SPECC1L: variants seen among roughly 807,000 people sequenced by gnomAD.
SPECC1L encodes the protein cytospin-A.
In SPECC1L, 40 loss-of-function variants were observed where a neutral mutation model predicts 116.8. That is an observed-to-expected ratio of 0.34 (90% CI 0.27 to 0.45). The LOEUF (loss-of-function observed/expected upper bound fraction) is 0.45, where lower values mean the gene tolerates loss of function less well. Ranked by LOEUF, SPECC1L falls within the 20% of genes least tolerant of loss-of-function variation. The pLI, the probability that SPECC1L is intolerant of heterozygous loss-of-function variation, is 1.00. For synonymous variants in SPECC1L, 504 were observed against 500.6 expected (o/e 1.01, Z -0.09); for missense variants, 1,110 against 1,373.6 (o/e 0.81, Z 3.03).
chr22:24,332,550 A>G (rs1179237298), intron 8 of SPECC1L, among the ~76,000 whole-genome samples: 1 of 152,176 alleles, frequency 6.6e-6, no homozygotes, highest in African/African-American at 2.4e-5. Context: ...GCCTATTAAA[A>G]TCTTCCCTTT....
intron 4 of SPECC1L, among the ~76,000 whole-genome samples, chr22:24,318,465 G>A (rs143758583): frequency 0.025 from 3,769 of 152,310 alleles, 145 homozygotes; most frequent in South Asian, 0.12. Flanking sequence ...AGCCGAGATG[G>A]CAGCAGTACA....
Position 24,321,417 on chromosome 22 carries a change from A to C in SPECC1L, c.437A>C (p.Asn146Thr). 6.2e-7 allele frequency: 1 copy of C among 1,614,264 alleles called. No homozygotes were observed. Among genetic ancestry groups the C allele is most frequent in the Non-Finnish European group, 8.5e-7 (1 of 1,180,038 alleles). ...CTACCTTCTGCAGGTCAGGGAGCTA[A>C]TGACATGGCATTGGCCAAACGTTCC... ...KKLPSAGQGA[N>T]DMALAKRSRS... Residue 146 changes from asparagine (N) to threonine (T), a missense_variant, in exon 5 of 17, where the codon AAT (asparagine) becomes ACT (threonine). Around this residue, in one of 4 missense-constraint regions of SPECC1L, gnomAD observed 437 missense variants for 482.6 expected, o/e 0.91. Transcript: ENST00000314328.
At chr22:24,343,011 G>A (rs533939497) in intron 10 of SPECC1L, among the ~76,000 whole-genome samples, 1 of 152,118 alleles carries the variant, frequency 6.6e-6, no homozygotes, top group South Asian at 2.1e-4. Context: ...TGGACAACAT[G>A]GCGAAACCCT....
intron 10 of SPECC1L, among the ~76,000 whole-genome samples, chr22:24,342,094 T>C (rs182444872): frequency 8.7e-4 from 132 of 152,376 alleles, no homozygotes; most frequent in African/African-American, 3.1e-3. Flanking sequence ...TCATGCAGCA[T>C]AGGTAACTAA....
chr22:24,321,336 C>T lies in SPECC1L; in HGVS notation c.356C>T (p.Ser119Phe), dbSNP rs772837068. Reference sequence around the variant, plus strand: ...AGCACTTCTACAGGTAATAAAGAATCCAGTTCTACTAGAGAAAGATTACGT... The same window carrying T: ...AGCACTTCTACAGGTAATAAAGAATTCAGTTCTACTAGAGAAAGATTACGT... The part of the protein sequence containing the change: ...KRSTSTGNKE[S>F]SSTRERLRER... Residue 119 changes from serine to phenylalanine, a missense_variant, in exon 5 of 17, where the codon TCC (serine) becomes TTC (phenylalanine). Coordinates refer to ENST00000314328, the MANE Select transcript of SPECC1L (RefSeq NM_015330.6). 6.2e-7 allele frequency: 1 copy of T among 1,614,198 alleles called. No homozygotes were observed. Among genetic ancestry groups the T allele is most frequent in the Non-Finnish European group, 8.5e-7 (1 of 1,180,034 alleles).
At chr22:24,388,674 A>G (rs894064974) in intron 14 of SPECC1L, among the ~76,000 whole-genome samples, 2 of 152,148 alleles carry the variant, frequency 1.3e-5, no homozygotes, top group African/African-American at 2.4e-5. Context: ...GACTTCCACA[A>G]TGGTTGAACT....
intron 14 of SPECC1L, among the ~76,000 whole-genome samples, chr22:24,386,900 G>T (rs2042170584): frequency 6.6e-6 from 1 of 152,114 alleles, no homozygotes; most frequent in African/African-American, 2.4e-5. Flanking sequence ...CACTGCACCT[G>T]GCCCTCAGGA....
At chr22:24,302,970 AGAGAT>A (rs1271251509) in intron 3 of SPECC1L, among the ~76,000 whole-genome samples, 1 of 152,156 alleles carries the variant, frequency 6.6e-6, no homozygotes, top group African/African-American at 2.4e-5. Context: ...TTTTTAAAAA[AGAGAT>A]GAGATATTAT....
At chr22:24,299,822 A>T (rs1377718265) in intron 2 of SPECC1L, among the ~76,000 whole-genome samples, 1 of 152,070 alleles carries the variant, frequency 6.6e-6, no homozygotes, top group Admixed American at 6.5e-5. Flanking sequence ...TATCACCGTG[A>T]TCTAATGTTA....
chr22:24,405,932 T>C (rs1346352192), intron 14 of SPECC1L, among the ~76,000 whole-genome samples: 1 of 152,148 alleles, frequency 6.6e-6, no homozygotes, highest in Non-Finnish European at 1.5e-5. Flanking sequence ...GGGATTTCAC[T>C]GAAGTCCAAG....
intron 4 of SPECC1L, among the ~76,000 whole-genome samples, chr22:24,316,372 C>G (rs2040564962): frequency 6.6e-6 from 1 of 150,428 alleles, no homozygotes; most frequent in African/African-American, 2.5e-5. Context: ...GGAAGGTCAG[C>G]AGATAAACAA....
intron 14 of SPECC1L, among the ~76,000 whole-genome samples, chr22:24,372,511 C>T (rs951876454): frequency 3.3e-5 from 5 of 152,096 alleles, no homozygotes; most frequent in African/African-American, 9.7e-5. Flanking sequence ...TAAACAGAAC[C>T]AGTGACAAAA....
intron 14 of SPECC1L, among the ~76,000 whole-genome samples, chr22:24,390,724 T>C (rs1431572513): frequency 6.6e-6 from 1 of 151,984 alleles, no homozygotes; most frequent in Non-Finnish European, 1.5e-5. Context: ...AGTCTAATCA[T>C]TTTCTGTCCT....
At chr22:24,410,936 C>T (rs913249452) in intron 14 of SPECC1L, among the ~76,000 whole-genome samples, 6 of 152,122 alleles carry the variant, frequency 3.9e-5, no homozygotes, top group African/African-American at 1.4e-4. Flanking sequence ...CACCTATAAT[C>T]CCAGCACTTC....
chr22:24,313,532 G>A, intron 4 of SPECC1L, 66 bp downstream of exon 4: 5 of 1,560,472 alleles, frequency 3.2e-6, no homozygotes, highest in Non-Finnish European at 4.4e-6. Flanking sequence ...ATGCATTGGT[G>A]TTTACAGTGT....
chr22:24,380,097 C>T (rs966497599), intron 14 of SPECC1L, among the ~76,000 whole-genome samples: 3 of 152,226 alleles, frequency 2.0e-5, no homozygotes, highest in Non-Finnish European at 4.4e-5. Context: ...TCTTGAACTC[C>T]TGACCTCAAG....
intron 10 of SPECC1L, among the ~76,000 whole-genome samples, chr22:24,345,457 A>C (rs1315151195): frequency 6.6e-6 from 1 of 152,150 alleles, no homozygotes; most frequent in Non-Finnish European, 1.5e-5. Context: ...AAATTAGGCA[A>C]CTTAAAACTT....
chr22:24,277,257 T>C (rs987387657), intron 2 of SPECC1L, among the ~76,000 whole-genome samples: 1 of 152,234 alleles, frequency 6.6e-6, no homozygotes, highest in Non-Finnish European at 1.5e-5. Context: ...AACACTTATC[T>C]TCCTCTCCCA....
intron 14 of SPECC1L, among the ~76,000 whole-genome samples, chr22:24,370,870 T>TA (rs919988639): frequency 1.3e-5 from 2 of 150,464 alleles, no homozygotes; most frequent in Non-Finnish European, 2.9e-5. Context: ...TACCTAGAGT[T>TA]AGTAATATTT....
Sources: allele counts gnomAD v4.1 joint callset (sites outside exome capture counted in the v4.1 genomes callset), GRCh38; gene constraint gnomAD v4.1.1; regional missense constraint gnomAD v4.1.1; transcripts MANE v1.5; gene names NCBI Gene and HGNC (gene_info 2026-07-23, HGNC 2026-07-21).